Variants in GAB1 observed in about 807,000 individuals in gnomAD.
The protein encoded by GAB1 is GRB2-associated-binding protein 1.
GAB1 carries 19 observed loss-of-function variants against 66.5 expected under a neutral mutation model. The observed-to-expected ratio is 0.29, with a 90% CI of 0.20 to 0.42. The LOEUF is 0.42. Among genes scored for constraint, GAB1 ranks in the 10% least tolerant of loss-of-function variants. The pLI is 1.00. For synonymous variants in GAB1, 294 were observed against 301.4 expected (o/e 0.98, Z 0.25); for missense variants, 732 against 858.5 (o/e 0.85, Z 1.84).
chr4:143,424,493 G>C (rs969010532), intron 2 of GAB1, among the ~76,000 whole-genome samples: 1 of 152,102 alleles, frequency 6.6e-6, no homozygotes, highest in Non-Finnish European at 1.5e-5. Flanking sequence ...ATAAATCTCT[G>C]TATTTGCAAC....
At chr4:143,395,904 G>T (rs1731428499) in intron 1 of GAB1, 11 of 455,330 alleles carry the variant, frequency 2.4e-5, no homozygotes. Flanking sequence ...GCCCCCGGGA[G>T]AGCAGCGTAG....
intron 1 of GAB1, among the ~76,000 whole-genome samples, chr4:143,407,094 C>T (rs1430137312): frequency 2.6e-5 from 4 of 152,108 alleles, no homozygotes; most frequent in East Asian, 3.9e-4. Context: ...GGGTTCTTAA[C>T]GTGTTAACAG....
At chr4:143,350,054 G>A (rs1054676711) in intron 1 of GAB1, 10 of 1,532,046 alleles carry the variant, frequency 6.5e-6, no homozygotes, top group South Asian at 5.9e-5. Flanking sequence ...AAGCCACCGC[G>A]GTTCCCCATC....
At chr4:143,367,653 C>T (rs1729940680) in intron 1 of GAB1, among the ~76,000 whole-genome samples, 1 of 149,320 alleles carries the variant, frequency 6.7e-6, no homozygotes. Context: ...GGTATGTCTT[C>T]CATGTTTTTT....
chr4:143,340,732 C>A (rs1044104989), intron 1 of GAB1, among the ~76,000 whole-genome samples: 40 of 152,278 alleles, frequency 2.6e-4, no homozygotes, highest in African/African-American at 8.9e-4. Flanking sequence ...AAACTCCTGA[C>A]CTCAGGTGAT....
At chr4:143,446,514 T>C (rs1446993900) in intron 6 of GAB1, among the ~76,000 whole-genome samples, 2 of 151,748 alleles carry the variant, frequency 1.3e-5, no homozygotes, top group Non-Finnish European at 3.0e-5. Flanking sequence ...TATCTCATTG[T>C]GGTTTTGATT....
chr4:143,445,352 G>A (rs1227565175), intron 6 of GAB1, among the ~76,000 whole-genome samples: 4 of 152,136 alleles, frequency 2.6e-5, no homozygotes, highest in Non-Finnish European at 5.9e-5. Flanking sequence ...TAGTGATGGA[G>A]TATTTTTTCA....
At chr4:143,449,765 C>T (rs539458011) in intron 6 of GAB1, among the ~76,000 whole-genome samples, 16 of 152,014 alleles carry the variant, frequency 1.1e-4, no homozygotes, top group South Asian at 2.1e-4. Context: ...CTGTGTCTTT[C>T]AATTGGAGCA....
chr4:143,462,189 CT>C (rs1251688527), intron 8 of GAB1, among the ~76,000 whole-genome samples: 1 of 152,114 alleles, frequency 6.6e-6, no homozygotes, highest in Non-Finnish European at 1.5e-5. Flanking sequence ...TTTTTAGACA[CT>C]TTTGCTTTTG....
At chr4:143,424,330 T>C (rs1733211051) in intron 2 of GAB1, among the ~76,000 whole-genome samples, 1 of 152,210 alleles carries the variant, frequency 6.6e-6, no homozygotes, top group African/African-American at 2.4e-5. Context: ...GTAGGATACA[T>C]TAACAGTTTT....
chr4:143,416,012 G>T (rs1023973909), intron 2 of GAB1, among the ~76,000 whole-genome samples: 2 of 152,164 alleles, frequency 1.3e-5, no homozygotes, highest in Admixed American at 6.5e-5. Context: ...AGTAAAAGGT[G>T]ACAAGAAGAC....
chr4:143,403,271 C>G (rs1731867193), intron 1 of GAB1, among the ~76,000 whole-genome samples: 2 of 152,108 alleles, frequency 1.3e-5, no homozygotes, highest in African/African-American at 4.8e-5. Flanking sequence ...TCTTTTCCTT[C>G]AACACTTCTC....
chr4:143,448,961 A>G (rs1023075333), intron 6 of GAB1, among the ~76,000 whole-genome samples: 2 of 152,060 alleles, frequency 1.3e-5, no homozygotes, highest in Non-Finnish European at 2.9e-5. Flanking sequence ...ACTGCTTTGA[A>G]TGTGTCCCAG....
At chr4:143,421,698 CTT>C (rs70953733) in intron 2 of GAB1, among the ~76,000 whole-genome samples, 6 of 118,666 alleles carry the variant, frequency 5.1e-5, no homozygotes, top group Non-Finnish European at 8.9e-5. Flanking sequence ...CTTTTCTTTT[CTT>C]TTTTTTTTTT....
chr4:143,367,719 G>GTGT (rs1553945119), intron 1 of GAB1, among the ~76,000 whole-genome samples: 2,213 of 94,718 alleles, frequency 0.023, 93 homozygotes, highest in African/African-American at 0.092. Flanking sequence ...TCAGATGAGG[G>GTGT]TTTTTTTTTT....
intron 6 of GAB1, 118 bp from the exon 7 acceptor site, chr4:143,459,267 C>CT (rs1199603397): frequency 3.0e-6 from 2 of 672,358 alleles, no homozygotes; most frequent in Non-Finnish European, 5.3e-6. Flanking sequence ...ACATGTGAAA[C>CT]TAGGTGGTCT....
chr4:143,430,740 T>C (rs527753252), intron 2 of GAB1, among the ~76,000 whole-genome samples: 42 of 152,238 alleles, frequency 2.8e-4, no homozygotes, highest in Non-Finnish European at 3.8e-4. Context: ...GAGTACCTTA[T>C]TGTGCTTTTA....
chr4:143,354,729 ATTAT>A (rs1729373138), intron 1 of GAB1, among the ~76,000 whole-genome samples: 1 of 152,136 alleles, frequency 6.6e-6, no homozygotes, highest in Admixed American at 6.6e-5. Flanking sequence ...ATTGTTATTC[ATTAT>A]TTCTTTGTTT....
chr4:143,405,274 A>G (rs1295433069), intron 1 of GAB1, among the ~76,000 whole-genome samples: 1 of 152,218 alleles, frequency 6.6e-6, no homozygotes, highest in Non-Finnish European at 1.5e-5. Flanking sequence ...ATACATAAAA[A>G]TGCTAACATA....
Sources: gnomAD v4.1 joint callset for allele counts (sites outside exome capture counted in the v4.1 genomes callset) on GRCh38, gnomAD v4.1.1 for gene constraint, MANE v1.5 for transcripts, NCBI Gene and HGNC (gene_info 2026-07-23, HGNC 2026-07-21) for gene names.